Variants in ERC2 observed in about 807,000 individuals in gnomAD.
ERC2 encodes ERC protein 2.
Under a neutral mutation model 114.8 loss-of-function variants are expected in ERC2, and 42 were observed. The observed-to-expected ratio is 0.37, with a 90% CI of 0.29 to 0.47. The LOEUF is 0.47. Among genes scored for constraint, ERC2 ranks in the 20% least tolerant of loss-of-function variants. The pLI, the probability that ERC2 is intolerant of heterozygous loss-of-function variation, is 0.99. For synonymous variants in ERC2, 454 were observed against 425.5 expected (o/e 1.07, Z -0.82); for missense variants, 939 against 1,150.7 (o/e 0.82, Z 2.66).
chr3:56,385,544 C>T (rs543344950), intron 2 of ERC2, among the ~76,000 whole-genome samples: 4 of 152,222 alleles, frequency 2.6e-5, no homozygotes, highest in South Asian at 2.1e-4. Context: ...TGGGTGAAAA[C>T]GGAACATGAT....
chr3:55,883,306 A>G (rs780261152), intron 14 of ERC2, among the ~76,000 whole-genome samples: 1 of 152,248 alleles, frequency 6.6e-6, no homozygotes. Context: ...GGCATTTAAA[A>G]TAAGAGAAGC....
intron 13 of ERC2, among the ~76,000 whole-genome samples, chr3:55,896,779 A>C (rs2063860244): frequency 6.6e-6 from 1 of 152,248 alleles, no homozygotes; most frequent in East Asian, 1.9e-4. Flanking sequence ...TATCTAGAAC[A>C]TAATAATTAA....
rs186847394 is a variant in ERC2 at position 55,872,175 on chromosome 3, C to T, written c.2564+16214G>A. Among the ~76,000 whole-genome samples the T allele has an allele frequency of 7.2e-5, 11 of 152,132 alleles. No individual in the cohort carries two copies. The South Asian group carries it at 2.1e-3, about 29-fold the overall frequency. ...AGTAATTTACCCAAGCCCATTGGCCCAACAGGGAAGAGATGGTGTTCCTAG... is the reference window on the plus strand; with the variant it reads ...AGTAATTTACCCAAGCCCATTGGCCTAACAGGGAAGAGATGGTGTTCCTAG... On this transcript the variant is annotated intron_variant, in intron 14 of 17. Transcript: ENST00000288221.
intron 6 of ERC2, among the ~76,000 whole-genome samples, chr3:56,104,258 T>C (rs1182097504): frequency 2.0e-5 from 3 of 152,246 alleles, no homozygotes; most frequent in African/African-American, 4.8e-5. Flanking sequence ...CTGCTCACTT[T>C]GGCAAACCAT....
chr3:56,325,503 A>T (rs1245312406), intron 2 of ERC2, among the ~76,000 whole-genome samples: 2 of 152,148 alleles, frequency 1.3e-5, no homozygotes, highest in African/African-American at 4.8e-5. Context: ...TGCACAACAC[A>T]ACCAGGAGAT....
chr3:56,332,190 G>T (rs532114172), intron 2 of ERC2, among the ~76,000 whole-genome samples: 4 of 151,826 alleles, frequency 2.6e-5, no homozygotes, highest in African/African-American at 9.7e-5. Context: ...ACACATACAT[G>T]CACACACATA....
intron 2 of ERC2, among the ~76,000 whole-genome samples, chr3:56,312,314 T>C (rs1489088971): frequency 1.3e-5 from 2 of 152,108 alleles, no homozygotes; most frequent in African/African-American, 4.8e-5. Flanking sequence ...TGCCAGAAGC[T>C]AGGAAGGGTG....
At chr3:55,739,210 C>T (rs2065828401) in intron 14 of ERC2, among the ~76,000 whole-genome samples, 1 of 152,146 alleles carries the variant, frequency 6.6e-6, no homozygotes, top group Non-Finnish European at 1.5e-5. Flanking sequence ...AATAGTGCCG[C>T]AATAAACATA....
intron 17 of ERC2, among the ~76,000 whole-genome samples, chr3:55,618,018 G>A (rs1444692016): frequency 6.6e-6 from 1 of 152,022 alleles, no homozygotes; most frequent in East Asian, 1.9e-4. Flanking sequence ...ACTGACAGGA[G>A]AGAAACTATA....
chr3:55,952,169 ACACACACACACTCTCTCTCTCTCT>A (rs2067590608), intron 12 of ERC2, among the ~76,000 whole-genome samples: 1 of 61,284 alleles, frequency 1.6e-5, no homozygotes, highest in African/African-American at 5.3e-5. Context: ...ACACACACAC[ACACACACACACTCTCTCTCTCTCT>A]CTCTCTATAT....
At chr3:56,373,280 C>A (rs2059421128) in intron 2 of ERC2, among the ~76,000 whole-genome samples, 1 of 152,052 alleles carries the variant, frequency 6.6e-6, no homozygotes, top group African/African-American at 2.4e-5. Flanking sequence ...CCGATATTCA[C>A]CAAAAAAATC....
At chr3:55,819,684 G>A (rs944045445) in intron 14 of ERC2, among the ~76,000 whole-genome samples, 11 of 152,174 alleles carry the variant, frequency 7.2e-5, no homozygotes, top group African/African-American at 2.7e-4. Flanking sequence ...CCCACTTGTG[G>A]GATAGCATCT....
At chr3:56,303,416 G>C (rs983338451) in intron 2 of ERC2, among the ~76,000 whole-genome samples, 6 of 152,186 alleles carry the variant, frequency 3.9e-5, no homozygotes, top group Non-Finnish European at 4.4e-5. Context: ...AAATAGCTTG[G>C]TGTGTCCAAT....
intron 6 of ERC2, among the ~76,000 whole-genome samples, chr3:56,096,620 A>C (rs538624701): frequency 9.4e-4 from 143 of 152,366 alleles, no homozygotes; most frequent in African/African-American, 3.2e-3. Flanking sequence ...AAAAACTTCG[A>C]ATCTCTGAGA....
At chr3:56,406,230 G>T (rs146810735) in intron 2 of ERC2, among the ~76,000 whole-genome samples, 1,720 of 152,242 alleles carry the variant, frequency 0.011, 16 homozygotes, top group Middle Eastern at 0.031. Flanking sequence ...ATATACATTT[G>T]CCAATTTCAT....
At chr3:55,863,513 T>C (rs1367863499) in intron 14 of ERC2, among the ~76,000 whole-genome samples, 1 of 152,128 alleles carries the variant, frequency 6.6e-6, no homozygotes, top group Non-Finnish European at 1.5e-5. Context: ...TCCTTCCTTT[T>C]TCAAGGAAAC....
chr3:55,590,885 A>G (rs888033610), intron 17 of ERC2, among the ~76,000 whole-genome samples: 4 of 152,042 alleles, frequency 2.6e-5, no homozygotes, highest in South Asian at 2.1e-4. Context: ...CTGGAGTGCA[A>G]TGGTGCTATC....
chr3:56,379,399 T>C (rs566877867), intron 2 of ERC2, among the ~76,000 whole-genome samples: 149 of 152,230 alleles, frequency 9.8e-4, no homozygotes, highest in African/African-American at 3.3e-3. Flanking sequence ...TGAAATAATA[T>C]ATACTGAACA....
intron 2 of ERC2, among the ~76,000 whole-genome samples, chr3:56,303,745 C>A (rs935490731): frequency 1.4e-4 from 22 of 152,304 alleles, no homozygotes; most frequent in Non-Finnish European, 2.8e-4. Context: ...AACTGAGATT[C>A]TTCTAGCAAG....
Sources: allele counts gnomAD v4.1 joint callset (sites outside exome capture counted in the v4.1 genomes callset), GRCh38; gene constraint gnomAD v4.1.1; transcripts MANE v1.5; gene names NCBI Gene and HGNC (gene_info 2026-07-23, HGNC 2026-07-21).